DRD3: variants seen among roughly 807,000 people sequenced by gnomAD.
DRD3 encodes the protein dopamine receptor D3, also known as D(3) dopamine receptor.
In DRD3, 19 loss-of-function variants were observed where a neutral mutation model predicts 36.3. That is an observed-to-expected ratio of 0.52 (90% CI 0.36 to 0.77). DRD3 has a LOEUF of 0.77. Ranked by LOEUF, DRD3 falls within the 30% of genes least tolerant of loss-of-function variation. DRD3 has a pLI of 0.00. For synonymous variants in DRD3, 195 were observed against 203.7 expected (o/e 0.96, Z 0.36); for missense variants, 465 against 505.3 (o/e 0.92, Z 0.77).
chr3:114,132,947 A>T (rs893523884), intron 5 of DRD3, among the ~76,000 whole-genome samples: 2 of 152,126 alleles, frequency 1.3e-5, no homozygotes, highest in African/African-American at 2.4e-5. Flanking sequence ...TTAATTTTTT[A>T]GTGTGATGTG....
At chr3:114,141,321 A>G (rs1057396429) in intron 4 of DRD3, among the ~76,000 whole-genome samples, 2 of 152,236 alleles carry the variant, frequency 1.3e-5, no homozygotes, top group Non-Finnish European at 2.9e-5. Context: ...GGCGTGAACC[A>G]CTGCACCCAG....
intron 4 of DRD3, among the ~76,000 whole-genome samples, chr3:114,143,002 G>A (rs1325000468): frequency 1.3e-5 from 2 of 152,322 alleles, no homozygotes; most frequent in Non-Finnish European, 2.9e-5. Context: ...CCTGTTGGCA[G>A]GGCAGAGTGA....
intron 5 of DRD3, among the ~76,000 whole-genome samples, chr3:114,136,256 T>C (rs1031509519): frequency 6.6e-6 from 1 of 152,006 alleles, no homozygotes; most frequent in Non-Finnish European, 1.5e-5. Context: ...TTTGAAAACA[T>C]TGATCTAGTA....
intron 2 of DRD3, among the ~76,000 whole-genome samples, chr3:114,166,103 A>T (rs767762328): frequency 4.0e-5 from 6 of 149,600 alleles, no homozygotes; most frequent in Non-Finnish European, 7.4e-5. Flanking sequence ...CTTCTGCCTT[A>T]GCCTCCCAAG....
At chr3:114,169,396 T>C (rs975998974) in intron 2 of DRD3, among the ~76,000 whole-genome samples, 3 of 148,862 alleles carry the variant, frequency 2.0e-5, no homozygotes, top group Non-Finnish European at 3.0e-5. Flanking sequence ...CAAAAAGAGG[T>C]CCTAAAGCCA....
At chr3:114,194,826 A>AT (rs112242006) in intron 1 of DRD3, among the ~76,000 whole-genome samples, 21,846 of 144,242 alleles carry the variant, frequency 0.15, 1,761 homozygotes, top group Admixed American at 0.24. Context: ...TCTTGCAAAG[A>AT]TTTTTTTTTT....
chr3:114,140,479 T>C (rs1407073942), intron 4 of DRD3, among the ~76,000 whole-genome samples: 1 of 152,104 alleles, frequency 6.6e-6, no homozygotes, highest in Non-Finnish European at 1.5e-5. Context: ...ACGTGCCCCA[T>C]CTTGAAAAAG....
chr3:114,159,820 A>G lies in DRD3; in HGVS notation c.318T>C (p.Phe106=). ...TACACATCATGACATCCAGGGTGAC[A>G]AAAACATCACAGCAAATGCGGCTGA... ...WNFSRICCDV[F]VTLDVMMCTA... The change falls in exon 3 of 7, where the codon TTT becomes TTC. Residue 106 remains phenylalanine, a synonymous_variant. Transcript: ENST00000383673. The G allele has an allele frequency of 6.2e-7, 1 of 1,614,090 alleles. No individual in the cohort carries two copies.
At chr3:114,162,564 C>A (rs748952848) in intron 2 of DRD3, among the ~76,000 whole-genome samples, 18 of 152,210 alleles carry the variant, frequency 1.2e-4, no homozygotes, top group Non-Finnish European at 1.8e-4. Context: ...TACTAAGTGC[C>A]TGGTGTTCTG....
chr3:114,159,988 C>A, intron 2 of DRD3, 121 bp from the exon 3 acceptor site: 2 of 804,542 alleles, frequency 2.5e-6, no homozygotes, highest in Non-Finnish European at 2.0e-6. Flanking sequence ...CCCTGTGTAC[C>A]GTTGTTCCCA....
At chr3:114,158,024 C>T (rs928551035) in intron 3 of DRD3, among the ~76,000 whole-genome samples, 1 of 151,986 alleles carries the variant, frequency 6.6e-6, no homozygotes, top group Non-Finnish European at 1.5e-5. Context: ...ATCACTTGAA[C>T]CCGGGAGGTG....
At chr3:114,148,474 T>C (rs2077588661) in intron 3 of DRD3, among the ~76,000 whole-genome samples, 2 of 152,214 alleles carry the variant, frequency 1.3e-5, no homozygotes, top group African/African-American at 4.8e-5. Flanking sequence ...CTTACTATTA[T>C]TGGACATCTT....
intron 3 of DRD3, among the ~76,000 whole-genome samples, chr3:114,149,898 A>G (rs950056699): frequency 1.3e-5 from 2 of 152,086 alleles, no homozygotes; most frequent in Admixed American, 1.3e-4. Context: ...CAGGCTCCAG[A>G]TGAGAACACA....
chr3:114,157,026 CTTTTTTTCTTTCTCTCCTT>C (rs1265933860), intron 3 of DRD3, among the ~76,000 whole-genome samples: 1 of 126,070 alleles, frequency 7.9e-6, no homozygotes, highest in Non-Finnish European at 1.7e-5. Flanking sequence ...TTCTTTCTTT[CTTTTTTTCTTTCTCTCCTT>C]TTTTTTTCTT....
chr3:114,194,668 G>T (rs1001832176), intron 1 of DRD3, among the ~76,000 whole-genome samples: 1 of 152,126 alleles, frequency 6.6e-6, no homozygotes, highest in African/African-American at 2.4e-5. Flanking sequence ...CACAAATGTG[G>T]TACATTCTGT....
chr3:114,163,414 T>C (rs569722110), intron 2 of DRD3, among the ~76,000 whole-genome samples: 42 of 152,266 alleles, frequency 2.8e-4, no homozygotes, highest in African/African-American at 9.9e-4. Context: ...TTTTAACTTA[T>C]AGGTAAAGAA....
upstream of DRD3, among the ~76,000 whole-genome samples, chr3:114,182,748 A>G (rs1175213052): frequency 1.3e-5 from 2 of 152,224 alleles, no homozygotes; most frequent in Non-Finnish European, 2.9e-5. Context: ...GTGGAATCCT[A>G]CTATATTTGT....
intron 4 of DRD3, among the ~76,000 whole-genome samples, chr3:114,142,471 T>C (rs1249748294): frequency 6.6e-6 from 1 of 152,134 alleles, no homozygotes; most frequent in Non-Finnish European, 1.5e-5. Flanking sequence ...CTACTTCTTT[T>C]AAAAAGTCAG....
At chr3:114,179,257 G>T (rs1351447739), upstream of DRD3, among the ~76,000 whole-genome samples, 1 of 152,188 alleles carries the variant, frequency 6.6e-6, no homozygotes, top group South Asian at 2.1e-4. Context: ...TACCACAATT[G>T]GTTAATGGAA....
Sources: gnomAD v4.1 joint callset for allele counts (sites outside exome capture counted in the v4.1 genomes callset) on GRCh38, gnomAD v4.1.1 for gene constraint, MANE v1.5 for transcripts, NCBI Gene and HGNC (gene_info 2026-07-23, HGNC 2026-07-21) for gene names.